The following DCC variants were observed in gnomAD, a reference collection of about 807,000 sequenced individuals.
The protein encoded by DCC is netrin receptor DCC.
Under a neutral mutation model 172.5 loss-of-function variants are expected in DCC, and 58 were observed. The observed-to-expected ratio is 0.34, with a 90% CI of 0.27 to 0.42. The LOEUF is 0.42. DCC is among the 10% of genes least tolerant of loss of function. DCC has a pLI of 1.00. For synonymous variants in DCC, 709 were observed against 644.5 expected (o/e 1.10, Z -1.52); for missense variants, 1,740 against 1,791.0 (o/e 0.97, Z 0.51).
intron 7 of DCC, among the ~76,000 whole-genome samples, chr18:53,126,732 G>T (rs141613844): frequency 6.6e-6 from 1 of 152,186 alleles, no homozygotes; most frequent in East Asian, 1.9e-4. Flanking sequence ...TGTAATGCTG[G>T]CAGAATCCAG....
intron 17 of DCC, among the ~76,000 whole-genome samples, chr18:53,394,122 C>G (rs1043808173): frequency 1.3e-5 from 2 of 152,168 alleles, no homozygotes; most frequent in South Asian, 4.1e-4. Context: ...GACATACACA[C>G]AATAGGAAAC....
At chr18:52,881,821 T>A (rs985175479) in intron 2 of DCC, among the ~76,000 whole-genome samples, 6 of 152,168 alleles carry the variant, frequency 3.9e-5, no homozygotes, top group African/African-American at 1.4e-4. Flanking sequence ...TAGGAATTTT[T>A]AATATTTCTG....
At chr18:53,150,202 G>T (rs2043977162) in intron 7 of DCC, among the ~76,000 whole-genome samples, 1 of 152,158 alleles carries the variant, frequency 6.6e-6, no homozygotes, top group South Asian at 2.1e-4. Flanking sequence ...ACCTTCCTCT[G>T]AGCTTGGTTT....
chr18:53,019,652 T>C (rs1279134953), intron 5 of DCC, among the ~76,000 whole-genome samples: 1 of 152,182 alleles, frequency 6.6e-6, no homozygotes, highest in Non-Finnish European at 1.5e-5. Context: ...TGCTGTGATA[T>C]ATTCCAGTTT....
chr18:52,989,934 C>A (rs2041357188), intron 5 of DCC, among the ~76,000 whole-genome samples: 1 of 152,118 alleles, frequency 6.6e-6, no homozygotes, highest in African/African-American at 2.4e-5. Flanking sequence ...GGTCTGCAGC[C>A]ACTTGTCTAT....
At chr18:52,557,976 G>C (rs1255858505) in intron 1 of DCC, among the ~76,000 whole-genome samples, 2 of 151,988 alleles carry the variant, frequency 1.3e-5, no homozygotes, top group Non-Finnish European at 2.9e-5. Context: ...AAATATTTTT[G>C]TTCATTTTGT....
At chr18:52,663,329 C>A (rs2035399264) in intron 1 of DCC, among the ~76,000 whole-genome samples, 1 of 152,102 alleles carries the variant, frequency 6.6e-6, no homozygotes, top group Non-Finnish European at 1.5e-5. Context: ...AGATCCTCTT[C>A]AGGAAAGAGG....
chr18:52,415,013 C>A (rs568919730), intron 1 of DCC, among the ~76,000 whole-genome samples: 115 of 152,280 alleles, frequency 7.6e-4, no homozygotes, highest in Non-Finnish European at 1.4e-3. Flanking sequence ...AAAATCTGTG[C>A]GTCTACATTC....
At chr18:53,027,944 G>C (rs1228166439) in intron 5 of DCC, among the ~76,000 whole-genome samples, 4 of 152,092 alleles carry the variant, frequency 2.6e-5, no homozygotes, top group African/African-American at 9.7e-5. Context: ...AAGAAGTGAA[G>C]GCAGGTTAGC....
intron 2 of DCC, among the ~76,000 whole-genome samples, chr18:52,898,640 T>C (rs953946033): frequency 3.3e-5 from 5 of 152,276 alleles, no homozygotes; most frequent in African/African-American, 1.2e-4. Flanking sequence ...AGCCTAACAC[T>C]TTTGATGTCC....
intron 5 of DCC, among the ~76,000 whole-genome samples, chr18:53,047,428 CATAT>C (rs58797605): frequency 0.026 from 1,313 of 50,044 alleles, 27 homozygotes; most frequent in South Asian, 0.048. Context: ...ATATATTTTA[CATAT>C]ATATATATAT....
At chr18:53,069,726 C>T (rs1373832562) in intron 7 of DCC, among the ~76,000 whole-genome samples, 3 of 152,094 alleles carry the variant, frequency 2.0e-5, no homozygotes, top group African/African-American at 7.2e-5. Context: ...ATCCATCCTC[C>T]CCTCTCTGAC....
intron 2 of DCC, among the ~76,000 whole-genome samples, chr18:52,864,079 C>T (rs748454308): frequency 1.3e-5 from 2 of 152,252 alleles, no homozygotes; most frequent in African/African-American, 4.8e-5. Flanking sequence ...TACAAAAATA[C>T]AGACATAAAG....
chr18:52,615,912 T>C (rs1312092404), intron 1 of DCC, among the ~76,000 whole-genome samples: 2 of 152,190 alleles, frequency 1.3e-5, no homozygotes, highest in African/African-American at 4.8e-5. Context: ...TATGCAGATA[T>C]ATAAACATAT....
intron 5 of DCC, among the ~76,000 whole-genome samples, chr18:52,929,988 AT>A (rs747167275): frequency 1.7e-4 from 25 of 150,962 alleles, no homozygotes; most frequent in Non-Finnish European, 3.3e-4. Flanking sequence ...TCCAGTTCTA[AT>A]TTTTTTTTCT....
intron 1 of DCC, among the ~76,000 whole-genome samples, chr18:52,500,742 G>C (rs1274136310): frequency 6.6e-6 from 1 of 152,132 alleles, no homozygotes; most frequent in African/African-American, 2.4e-5. Flanking sequence ...TCTCTCATGA[G>C]TGTGAAATGA....
intron 1 of DCC, among the ~76,000 whole-genome samples, chr18:52,588,615 C>A (rs766924914): frequency 9.2e-5 from 14 of 152,098 alleles, no homozygotes; most frequent in Non-Finnish European, 1.3e-4. Flanking sequence ...GAGAAGGGAA[C>A]CAAACTTTTC....
intron 1 of DCC, among the ~76,000 whole-genome samples, chr18:52,343,422 T>TA (rs1329510753): frequency 2.0e-5 from 3 of 152,206 alleles, no homozygotes; most frequent in African/African-American, 7.2e-5. Flanking sequence ...CTGGGCCCTT[T>TA]CCCACTTTCT....
rs555837700 is a variant in DCC, at chr18:53,334,319, T to C, written c.2165-5394T>C. On this transcript the variant is annotated intron_variant, in intron 14 of 28. Coordinates refer to ENST00000442544, the MANE Select transcript of DCC (RefSeq NM_005215.4). ...TTCTCCTTCTACTTAGAATAAAACC[T>C]AACTTCTTACTTATCTTGACTTGCC... 7.2e-5 allele frequency among the ~76,000 whole-genome samples: 11 copies of C among 152,330 alleles called. No individual in the cohort carries two copies. The South Asian group carries it at 2.3e-3, about 32-fold the overall frequency.
Sources: gnomAD v4.1 joint callset for allele counts (sites outside exome capture counted in the v4.1 genomes callset) on GRCh38, gnomAD v4.1.1 for gene constraint, MANE v1.5 for transcripts, NCBI Gene and HGNC (gene_info 2026-07-23, HGNC 2026-07-21) for gene names.